ACACA: variants seen among roughly 807,000 people sequenced by gnomAD.
ACACA encodes the protein acetyl-CoA carboxylase alpha.
A neutral mutation model predicts 296.1 loss-of-function variants in ACACA; 103 were observed. The observed-to-expected ratio is 0.35, with a 90% CI of 0.30 to 0.41. The LOEUF (loss-of-function observed/expected upper bound fraction) is 0.41, where lower values mean the gene tolerates loss of function less well. ACACA is among the 10% of genes least tolerant of loss of function. ACACA has a pLI of 1.00. For synonymous variants in ACACA, 953 were observed against 1,038.6 expected (o/e 0.92, Z 1.58); for missense variants, 1,554 against 2,989.7 (o/e 0.52, Z 11.20).
At chr17:37,156,432 A>T (rs1378887947) in intron 42 of ACACA, among the ~76,000 whole-genome samples, 1 of 152,098 alleles carries the variant, frequency 6.6e-6, no homozygotes, top group Non-Finnish European at 1.5e-5. Context: ...AAAGATATCA[A>T]CATGTAATTA....
chr17:37,160,784 G>T (rs983345107), intron 42 of ACACA, among the ~76,000 whole-genome samples: 2 of 152,162 alleles, frequency 1.3e-5, no homozygotes, highest in African/African-American at 4.8e-5. Context: ...GTTTAAGCCA[G>T]ATAGGAATGA....
chr17:37,114,750 A>G (rs2143001130), intron 50 of ACACA, among the ~76,000 whole-genome samples: 1 of 152,344 alleles, frequency 6.6e-6, no homozygotes, highest in South Asian at 2.1e-4. Context: ...TGAGTACTTC[A>G]GTGGAGCCAC....
intron 2 of ACACA, among the ~76,000 whole-genome samples, chr17:37,334,248 C>A (rs148689296): frequency 1.8e-4 from 28 of 152,192 alleles, no homozygotes; most frequent in Non-Finnish European, 1.3e-4. Context: ...TATGGACGGC[C>A]CTTCCTAACC....
In ACACA at chr17:37,390,175, T is replaced by TAC. The variant is rs1158274937; in HGVS notation, c.38+16085_38+16086dup. ...ATATATATATATATATATATATATA[T>TAC]ACACACACACATTATATATAAATAT... On this transcript the variant is annotated intron_variant, in intron 1 of 55. Coordinates refer to ENST00000616317, the MANE Select transcript of ACACA (RefSeq NM_198834.3). Among the ~76,000 whole-genome samples, 270 of 44,434 alleles carry TAC rather than the reference T, an allele frequency of 6.1e-3. 13 individuals carry two copies. Among genetic ancestry groups the TAC allele is most frequent in the African/African-American group, 0.013 (114 of 8,554 alleles). The allele number at this position is 44,434 out of a possible 152,430, so 29.2% of individuals were successfully genotyped here.
At chr17:37,262,409 T>A (rs947440467) in intron 11 of ACACA, among the ~76,000 whole-genome samples, 3 of 152,176 alleles carry the variant, frequency 2.0e-5, no homozygotes, top group African/African-American at 7.2e-5. Flanking sequence ...CATAATCTTG[T>A]GTGAGTTAGC....
intron 42 of ACACA, among the ~76,000 whole-genome samples, chr17:37,156,646 A>G (rs1032007497): frequency 1.3e-5 from 2 of 152,352 alleles, no homozygotes; most frequent in Admixed American, 6.5e-5. Context: ...CATGTAAACA[A>G]TTATACTAAC....
At position 37,271,080 on chromosome 17, in the gene ACACA, A is replaced by C. The variant is rs1457996605; in HGVS notation, c.1009-219T>G. Among the ~76,000 whole-genome samples the C allele has an allele frequency of 2.0e-5, 3 of 152,242 alleles. No homozygotes were observed. In the East Asian group the frequency reaches 5.8e-4, roughly 29 times the overall value. On this transcript the variant is annotated intron_variant, in intron 9 of 55. Coordinates refer to ENST00000616317, the MANE Select transcript of ACACA (RefSeq NM_198834.3). ...AATTGCCTTTTTCATAGATTTAAAA[A>C]AATGACTGAATATAGGCAATTTCTT...
chr17:37,317,435 G>A (rs985904522), intron 3 of ACACA, among the ~76,000 whole-genome samples: 3 of 152,102 alleles, frequency 2.0e-5, no homozygotes, highest in South Asian at 2.1e-4. Flanking sequence ...GAATAGTGGC[G>A]GGCACCTGTA....
At chr17:37,244,805 A>T in intron 20 of ACACA, 71 bp from the exon 21 acceptor site, 1 of 1,592,998 alleles carries the variant, frequency 6.3e-7, no homozygotes, top group Non-Finnish European at 8.6e-7. Context: ...CACTGCACTT[A>T]AGAGTTATCA....
At chr17:37,157,456 T>C (rs969923299) in intron 42 of ACACA, among the ~76,000 whole-genome samples, 2 of 152,070 alleles carry the variant, frequency 1.3e-5, no homozygotes, top group Admixed American at 6.5e-5. Flanking sequence ...CTTGAATGAA[T>C]TGGGAAGCTA....
At position 37,148,244 on chromosome 17, in the gene ACACA, AC is replaced by A. The variant is rs1422809374; in HGVS notation, c.5679+1619del. Among the ~76,000 whole-genome samples the A allele has an allele frequency of 6.6e-5, 10 of 151,802 alleles. 1 individual carries two copies. In the South Asian group the frequency reaches 1.9e-3, roughly 28 times the overall value. On this transcript the variant is annotated intron_variant, in intron 45 of 55. Coordinates refer to ENST00000616317, the MANE Select transcript of ACACA (RefSeq NM_198834.3). ...AAAGAGCAACTTAAAAAAAAAAAAA[AC>A]AACAACCTTAAGACTCTCAGCAGTT...
At chr17:37,328,118 T>C (rs1051637492) in intron 3 of ACACA, among the ~76,000 whole-genome samples, 1 of 152,338 alleles carries the variant, frequency 6.6e-6, no homozygotes, top group Middle Eastern at 3.4e-3. Flanking sequence ...TTGTCTGAAC[T>C]AGTTATATAA....
At chr17:37,167,119 ATTTTTTTTTT>A (rs11290127) in intron 41 of ACACA, among the ~76,000 whole-genome samples, 6 of 101,350 alleles carry the variant, frequency 5.9e-5, no homozygotes, top group South Asian at 6.3e-4. Context: ...TAATTTTTGC[ATTTTTTTTTT>A]TTTTTTTTTT....
chr17:37,135,563 C>T (rs1476645225), intron 45 of ACACA, among the ~76,000 whole-genome samples: 1 of 152,024 alleles, frequency 6.6e-6, no homozygotes, highest in Non-Finnish European at 1.5e-5. Context: ...AGGGGTGGTA[C>T]TGTCAGTGGA....
intron 10 of ACACA, among the ~76,000 whole-genome samples, chr17:37,265,854 G>A (rs1214302556): frequency 2.0e-5 from 3 of 152,114 alleles, no homozygotes; most frequent in Non-Finnish European, 4.4e-5. Context: ...TATTTGAAAT[G>A]ACAGCTATTT....
intron 29 of ACACA, among the ~76,000 whole-genome samples, chr17:37,220,437 G>A (rs942452463): frequency 6.6e-5 from 10 of 152,154 alleles, no homozygotes; most frequent in Non-Finnish European, 1.0e-4. Context: ...TAAGTATAGC[G>A]TGTAGTTCTC....
intron 3 of ACACA, among the ~76,000 whole-genome samples, chr17:37,320,181 T>C (rs776937858): frequency 6.6e-6 from 1 of 152,050 alleles, no homozygotes; most frequent in Non-Finnish European, 1.5e-5. Flanking sequence ...TATCCCTTTC[T>C]AACAAGGCTA....
At chr17:37,359,225 T>C in intron 1 of ACACA, 1 of 826,064 alleles carries the variant, frequency 1.2e-6, no homozygotes, top group Non-Finnish European at 1.5e-6. Flanking sequence ...CGTCCGGGGT[T>C]ACTCCAGGCC....
chr17:37,375,982 G>C, intron 1 of ACACA: 1 of 827,664 alleles, frequency 1.2e-6, no homozygotes, highest in Admixed American at 2.0e-5. Context: ...AGTCTCTCAG[G>C]GTCAAACTTG....
Sources: allele counts gnomAD v4.1 joint callset (sites outside exome capture counted in the v4.1 genomes callset), GRCh38; gene constraint gnomAD v4.1.1; transcripts MANE v1.5; gene names NCBI Gene and HGNC (gene_info 2026-07-23, HGNC 2026-07-21).